The following TECPR2 variants were observed in gnomAD, a reference collection of about 807,000 sequenced individuals.
TECPR2 encodes the protein tectonin beta-propeller repeat-containing protein 2.
TECPR2 carries 65 observed loss-of-function variants against 138.1 expected under a neutral mutation model. That is an observed-to-expected ratio of 0.47 (90% CI 0.39 to 0.58). The LOEUF (loss-of-function observed/expected upper bound fraction) is 0.58, where lower values mean the gene tolerates loss of function less well. TECPR2 is among the 20% of genes least tolerant of loss of function. The probability of loss-of-function intolerance (pLI) is 0.00; values close to 1 mark genes in which losing one functional copy is unlikely to be tolerated. For synonymous variants in TECPR2, 746 were observed against 749.8 expected, an observed-to-expected ratio of 0.99 and a Z score of 0.08; for missense variants, 1,553 against 1,824.5, an observed-to-expected ratio of 0.85 and a Z score of 2.71.
chr14:102,438,008 T>A lies in TECPR2; in HGVS notation c.2395-14T>A. 6.2e-7 allele frequency: 1 copy of A among 1,611,974 alleles called. No individual in the cohort carries two copies. Among genetic ancestry groups the A allele is most frequent in the Non-Finnish European group, 8.5e-7 (1 of 1,178,928 alleles). ...GTCCTCTGCCACAGAACTCACTGGC[T>A]CTTCCCTTGTTAGTTTGCAGAAAGC... On this transcript the variant is annotated splice_polypyrimidine_tract_variant and intron_variant, in intron 9 of 19. Coordinates refer to ENST00000359520, the MANE Select transcript of TECPR2 (RefSeq NM_014844.5).
At position 102,424,383 on chromosome 14, in the gene TECPR2, G is replaced by A. The variant is rs529790443; in HGVS notation, c.639-596G>A. 2.6e-5 allele frequency among the ~76,000 whole-genome samples: 4 copies of A among 152,328 alleles called. No individual in the cohort carries two copies. The South Asian group carries it at 8.3e-4, about 32-fold the overall frequency. ...GTCTTGCTCTGTCACCCAGGTTGGAGTACAGTAGTGGCACTATCTCAGCTC... is the reference window on the plus strand; with the variant it reads ...GTCTTGCTCTGTCACCCAGGTTGGAATACAGTAGTGGCACTATCTCAGCTC... On this transcript the variant is annotated intron_variant, in intron 5 of 19. Coordinates refer to ENST00000359520, the MANE Select transcript of TECPR2 (RefSeq NM_014844.5).
At chr14:102,472,511 C>G (rs751217241) in intron 17 of TECPR2, among the ~76,000 whole-genome samples, 26 of 152,186 alleles carry the variant, frequency 1.7e-4, no homozygotes, top group Non-Finnish European at 3.1e-4. Context: ...TGAACTATTT[C>G]AAGTAGTTCT....
rs1379829705 is a variant in TECPR2, at chr14:102,501,818, G to C, written c.*3561G>C. 1.3e-5 allele frequency: 2 copies of C among 152,200 alleles called. No homozygotes were observed. Among genetic ancestry groups the C allele is most frequent in the Admixed American group, 1.3e-4 (2 of 15,284 alleles). 9.4% of individuals were successfully genotyped at this position (152,200 alleles called of 1,614,324 possible). A position where few individuals can be genotyped will look rare whatever the true frequency, so the allele number is the denominator to read the frequency against. ...CAATAGGAGGAGCACTTCGAGTCGA[G>C]TGTAAGGGCCCTTCACAAAAGCAGA... On this transcript the variant is annotated 3_prime_UTR_variant, in exon 20 of 20. Coordinates refer to ENST00000359520, the MANE Select transcript of TECPR2 (RefSeq NM_014844.5).
chr14:102,370,317 C>T (rs1446148787), intron 1 of TECPR2, among the ~76,000 whole-genome samples: 1 of 152,158 alleles, frequency 6.6e-6, no homozygotes, highest in Non-Finnish European at 1.5e-5. Context: ...GTGATCCACC[C>T]ACCTCAGGCT....
chr14:102,411,406 C>T (rs933609807), intron 4 of TECPR2, among the ~76,000 whole-genome samples: 369 of 152,160 alleles, frequency 2.4e-3, no homozygotes, highest in Middle Eastern at 0.01. Flanking sequence ...TGCCCTGCCC[C>T]GCCTTAACTG....
Position 102,497,730 on chromosome 14 carries a change from G to A in TECPR2, c.4081+11G>A, listed in dbSNP as rs769903818. On this transcript the variant is annotated intron_variant, in intron 19 of 19. Transcript: ENST00000359520. ...TGTCGTGTTTCACAGGCAGGTGCCC[G>A]GGGCCAGTGGGCTTAAGGCCCCTTG... is the stretch of plus-strand genomic sequence containing the variant. The A allele has an allele frequency of 4.9e-5, 78 of 1,594,206 alleles. 1 individual carries two copies. Among genetic ancestry groups the A allele is most frequent in the Admixed American group, 1.2e-4 (7 of 58,768 alleles).
intron 11 of TECPR2, among the ~76,000 whole-genome samples, chr14:102,442,043 A>G (rs942943510): frequency 1.3e-5 from 2 of 152,118 alleles, no homozygotes; most frequent in Non-Finnish European, 2.9e-5. Flanking sequence ...TAGTGGCACA[A>G]TCTCGGCTCA....
At chr14:102,440,896 C>T (rs745953903) in intron 11 of TECPR2, among the ~76,000 whole-genome samples, 116 of 152,238 alleles carry the variant, frequency 7.6e-4, no homozygotes, top group South Asian at 1.2e-3. Context: ...CCGCATATCA[C>T]GTATCCTACA....
At chr14:102,427,353 G>T (rs1184389817) in intron 6 of TECPR2, among the ~76,000 whole-genome samples, 2 of 152,138 alleles carry the variant, frequency 1.3e-5, no homozygotes, top group Non-Finnish European at 2.9e-5. Flanking sequence ...CATTTTATAG[G>T]TAGAGAAATG....
chr14:102,499,053 C>T lies in TECPR2; in HGVS notation c.*796C>T, dbSNP rs867736045. ...TCTCACCACACCACACCACACCACA[C>T]CTCACTGCCCACACACGGCGCAGGC... is the stretch of plus-strand genomic sequence containing the variant. On this transcript the variant is annotated 3_prime_UTR_variant, in exon 20 of 20. Transcript: ENST00000359520. 3 of 702,422 alleles carry T rather than the reference C, an allele frequency of 4.3e-6. No individual in the cohort carries two copies. Among genetic ancestry groups the T allele is most frequent in the African/African-American group, 3.5e-5 (2 of 57,372 alleles). The allele number at this position is 702,422 out of a possible 1,614,324, so 43.5% of individuals were successfully genotyped here.
Position 102,449,630 on chromosome 14 carries a change from T to C in TECPR2, c.3077T>C (p.Val1026Ala). 1 of 1,613,946 alleles carries C rather than the reference T, an allele frequency of 6.2e-7. No individual in the cohort carries two copies. The highest frequency in any genetic ancestry group is 8.5e-7 in the Non-Finnish European group (1 of 1,179,886). ...PQGDDDHWWQ[V>A]SITDYVVFDQ... ...CTTTTGCTTGTCTCCTCCTTCCAGG[T>C]GAGCATCACGGACTATGTGGTGTTT... is the stretch of plus-strand genomic sequence containing the variant. Residue 1026 changes from valine to alanine, a missense_variant and splice_region_variant, in exon 14 of 20, where the codon GTG becomes GCG. Coordinates refer to ENST00000359520, the MANE Select transcript of TECPR2 (RefSeq NM_014844.5).
chr14:102,422,372 T>C (rs983017891), intron 5 of TECPR2, among the ~76,000 whole-genome samples: 3 of 152,210 alleles, frequency 2.0e-5, no homozygotes, highest in Non-Finnish European at 4.4e-5. Context: ...TCACCAATGT[T>C]GTTGAAGGAG....
chr14:102,388,286 T>C (rs1888069505), intron 2 of TECPR2, among the ~76,000 whole-genome samples: 2 of 152,344 alleles, frequency 1.3e-5, no homozygotes, highest in South Asian at 2.1e-4. Context: ...TGCTTTCAAA[T>C]GTTTTTAACA....
chr14:102,412,837 G>T (rs531248963), intron 4 of TECPR2, among the ~76,000 whole-genome samples: 1 of 152,144 alleles, frequency 6.6e-6, no homozygotes, highest in Admixed American at 6.5e-5. Flanking sequence ...GCTCACACCC[G>T]TAATCCCAGC....
rs183475582 is a variant in TECPR2 at position 102,396,767 on chromosome 14, C to T, written c.220-10571C>T. Among the ~76,000 whole-genome samples the T allele has an allele frequency of 1.4e-4, 22 of 152,318 alleles. No individual in the cohort carries two copies. The East Asian group carries it at 2.3e-3, about 16-fold the overall frequency. On this transcript the variant is annotated intron_variant, in intron 2 of 19. Transcript: ENST00000359520. The stretch of plus-strand genomic sequence containing the variant: ...ACCCCAGTTCTGTGGAAGGCGGCTA[C>T]GCGGGTGTTCCTAGAGCTTGCACAC...
At chr14:102,406,945 G>A (rs201746499) in intron 2 of TECPR2, among the ~76,000 whole-genome samples, 4 of 152,098 alleles carry the variant, frequency 2.6e-5, no homozygotes, top group Admixed American at 2.0e-4. Context: ...TGCAACCTCC[G>A]CCTCCTGGGT....
At chr14:102,442,290 A>T (rs972537998) in intron 11 of TECPR2, among the ~76,000 whole-genome samples, 1 of 152,164 alleles carries the variant, frequency 6.6e-6, no homozygotes, top group Non-Finnish European at 1.5e-5. Flanking sequence ...TGTTTTAATC[A>T]CTGCTGTGAG....
chr14:102,445,208 G>A (rs1227540994), intron 12 of TECPR2, among the ~76,000 whole-genome samples: 1 of 152,220 alleles, frequency 6.6e-6, no homozygotes, highest in Non-Finnish European at 1.5e-5. Context: ...TGAAGCTGAC[G>A]AGGACTTCCC....
chr14:102,381,539 A>G (rs1887819106), intron 2 of TECPR2, among the ~76,000 whole-genome samples: 1 of 152,200 alleles, frequency 6.6e-6, no homozygotes, highest in Non-Finnish European at 1.5e-5. Flanking sequence ...GTGCCAGTGC[A>G]CTCCAGCCTA....
Sources: allele counts gnomAD v4.1 joint callset (sites outside exome capture counted in the v4.1 genomes callset), GRCh38; gene constraint gnomAD v4.1.1; transcripts MANE v1.5; gene names NCBI Gene and HGNC (gene_info 2026-07-23, HGNC 2026-07-21).